The following RYR2 variants were observed in gnomAD, a reference collection of about 807,000 sequenced individuals.
RYR2 encodes ryanodine receptor 2, also known as cardiac muscle ryanodine receptor-calcium release channel.
In RYR2, 227 loss-of-function variants were observed where a neutral mutation model predicts 601.1. That is an observed-to-expected ratio of 0.38 (90% CI 0.34 to 0.42). The LOEUF (loss-of-function observed/expected upper bound fraction) is 0.42. Among genes scored for constraint, RYR2 ranks in the 10% least tolerant of loss-of-function variants. The pLI is 1.00. For synonymous variants in RYR2, 2,223 were observed against 2,175.1 expected, an observed-to-expected ratio of 1.02 and a Z score of -0.61; for missense variants, 4,646 against 6,156.5, an observed-to-expected ratio of 0.75 and a Z score of 8.21.
At position 237,337,868 on chromosome 1, in the gene RYR2, T is replaced by G. The variant is rs530277293; in HGVS notation, c.273+6886T>G. 4.6e-5 allele frequency among the ~76,000 whole-genome samples: 7 copies of G among 152,334 alleles called. No homozygotes were observed. In the South Asian group the frequency reaches 1.4e-3, roughly 32 times the overall value. On this transcript the variant is annotated intron_variant, in intron 3 of 104. Transcript: ENST00000366574. The stretch of plus-strand genomic sequence containing the variant: ...CCGCCTTTACAAGTTACCGCTAAGT[T>G]GGTGGCTTAAAACAACATACATTTA...
intron 29 of RYR2, among the ~76,000 whole-genome samples, chr1:237,574,035 C>G (rs1421204061): frequency 1.3e-5 from 2 of 152,110 alleles, no homozygotes; most frequent in Non-Finnish European, 2.9e-5. Flanking sequence ...CATTGTTGAA[C>G]TAGAGTGAAA....
At chr1:237,672,350 A>G (rs991109705) in intron 58 of RYR2, among the ~76,000 whole-genome samples, 8 of 152,190 alleles carry the variant, frequency 5.3e-5, no homozygotes, top group Non-Finnish European at 1.2e-4. Flanking sequence ...TTACAAATTA[A>G]GTTGCCAAAT....
At chr1:237,306,675 T>C (rs1381217461) in intron 2 of RYR2, among the ~76,000 whole-genome samples, 2 of 152,226 alleles carry the variant, frequency 1.3e-5, no homozygotes, top group East Asian at 3.8e-4. Context: ...ATTTAAGTTG[T>C]CTTTGTGGCA....
At chr1:237,756,730 GCAACCTGT>G (rs1339979828) in intron 81 of RYR2, among the ~76,000 whole-genome samples, 1 of 152,184 alleles carries the variant, frequency 6.6e-6, no homozygotes, top group Admixed American at 6.5e-5. Flanking sequence ...CGAGGGTTAT[GCAACCTGT>G]CACAGCTCTT....
chr1:237,064,529 A>C (rs546497802), intron 1 of RYR2, among the ~76,000 whole-genome samples: 1 of 152,136 alleles, frequency 6.6e-6, no homozygotes, highest in South Asian at 2.1e-4. Context: ...AATGTATTGG[A>C]CATAATGTAA....
At chr1:237,071,315 C>T (rs1664287354) in intron 1 of RYR2, among the ~76,000 whole-genome samples, 1 of 152,042 alleles carries the variant, frequency 6.6e-6, no homozygotes, top group South Asian at 2.1e-4. Context: ...CCTCTGCCTC[C>T]TGGATTCAAG....
chr1:237,671,885 A>G (rs1468416893), intron 58 of RYR2, among the ~76,000 whole-genome samples: 3 of 152,164 alleles, frequency 2.0e-5, no homozygotes, highest in Non-Finnish European at 4.4e-5. Context: ...ATTTTGTACC[A>G]TGGTCATCTG....
chr1:237,145,064 G>C (rs1244496133), intron 1 of RYR2, among the ~76,000 whole-genome samples: 1 of 151,262 alleles, frequency 6.6e-6, no homozygotes, highest in Non-Finnish European at 1.5e-5. Context: ...ACTGGGGCCT[G>C]TCGGGGGGTT....
rs578175649 is a variant in RYR2, at chr1:237,133,242, T to A, written c.48+90673T>A. Among the ~76,000 whole-genome samples the A allele has an allele frequency of 9.2e-5, 14 of 152,014 alleles. No homozygotes were observed. In the South Asian group the frequency reaches 2.9e-3, roughly 32 times the overall value. On this transcript the variant is annotated intron_variant, in intron 1 of 104. Transcript: ENST00000366574. ...GTAAGGTCCAGGGAATGACCTTAGG[T>A]ATGAGAGATGGAGATCAGGTGGAGA...
chr1:237,474,223 A>T (rs199983174), intron 17 of RYR2, among the ~76,000 whole-genome samples: 1 of 48,338 alleles, frequency 2.1e-5, no homozygotes, highest in Non-Finnish European at 6.8e-5. Flanking sequence ...GTGTGTGTAG[A>T]TCTATACATA....
intron 1 of RYR2, among the ~76,000 whole-genome samples, chr1:237,127,870 G>A (rs1185324469): frequency 2.7e-5 from 4 of 150,310 alleles, no homozygotes; most frequent in Non-Finnish European, 4.4e-5. Context: ...GTGGGATGGC[G>A]GCCGGGCGGA....
chr1:237,242,245 A>G (rs1686273124), intron 1 of RYR2, among the ~76,000 whole-genome samples: 1 of 151,402 alleles, frequency 6.6e-6, no homozygotes, highest in Admixed American at 6.6e-5. Context: ...GGGGCAATAA[A>G]ATCACATGTG....
At chr1:237,511,650 T>C in intron 23 of RYR2, 38 bp from the exon 24 acceptor site, 1 of 1,461,686 alleles carries the variant, frequency 6.8e-7, no homozygotes, top group Non-Finnish European at 9.4e-7. Context: ...TGCCTGGCAT[T>C]GGAGACTATT....
At chr1:237,111,127 T>C (rs898902633) in intron 1 of RYR2, among the ~76,000 whole-genome samples, 3 of 152,150 alleles carry the variant, frequency 2.0e-5, no homozygotes, top group African/African-American at 7.2e-5. Flanking sequence ...TTTGGTAACA[T>C]TGTTGACACT....
chr1:237,229,619 T>C (rs1684753863), intron 1 of RYR2, among the ~76,000 whole-genome samples: 1 of 152,178 alleles, frequency 6.6e-6, no homozygotes, highest in Non-Finnish European at 1.5e-5. Flanking sequence ...GGACATTGAG[T>C]TCATTGCCAT....
At chr1:237,156,075 C>A (rs1005375110) in intron 1 of RYR2, among the ~76,000 whole-genome samples, 12 of 152,216 alleles carry the variant, frequency 7.9e-5, no homozygotes, top group African/African-American at 2.7e-4. Context: ...GTTGGAGAGA[C>A]CTGCCCTGGT....
chr1:237,404,041 T>C (rs940216430), intron 10 of RYR2, among the ~76,000 whole-genome samples: 3 of 152,192 alleles, frequency 2.0e-5, no homozygotes, highest in African/African-American at 7.2e-5. Context: ...ATTGCTCCAG[T>C]CTAGGAGTTC....
At chr1:237,201,860 T>C (rs548642657) in intron 1 of RYR2, among the ~76,000 whole-genome samples, 1 of 152,300 alleles carries the variant, frequency 6.6e-6, no homozygotes, top group South Asian at 2.1e-4. Context: ...TATTCAGGAT[T>C]TGTTTGATAG....
intron 51 of RYR2, among the ~76,000 whole-genome samples, chr1:237,652,699 G>C (rs897619878): frequency 6.6e-5 from 10 of 151,980 alleles, no homozygotes; most frequent in African/African-American, 1.4e-4. Flanking sequence ...AATAGTCCTT[G>C]TCTTGCAAAA....
Sources: allele counts gnomAD v4.1 joint callset (sites outside exome capture counted in the v4.1 genomes callset), GRCh38; gene constraint gnomAD v4.1.1; transcripts MANE v1.5; gene names NCBI Gene and HGNC (gene_info 2026-07-23, HGNC 2026-07-21).